The following SORCS1 variants were observed in gnomAD, a reference collection of about 807,000 sequenced individuals.
SORCS1 encodes the protein VPS10 domain-containing receptor SorCS1.
Under a neutral mutation model 146.1 loss-of-function variants are expected in SORCS1, and 60 were observed. That is an observed-to-expected ratio of 0.41 (90% CI 0.33 to 0.51). The LOEUF (loss-of-function observed/expected upper bound fraction) is 0.51, where lower values mean the gene tolerates loss of function less well. Ranked by LOEUF, SORCS1 falls within the 20% of genes least tolerant of loss-of-function variation. The pLI is 0.21. For synonymous variants in SORCS1, 637 were observed against 584.0 expected (o/e 1.09, Z -1.31); for missense variants, 1,352 against 1,487.6 (o/e 0.91, Z 1.50).
At chr10:106,708,956 T>C (rs1337140896) in intron 7 of SORCS1, among the ~76,000 whole-genome samples, 1 of 152,204 alleles carries the variant, frequency 6.6e-6, no homozygotes. Flanking sequence ...CTCACTACTC[T>C]GTGCGATGCC....
chr10:107,033,184 G>A (rs10884402), intron 1 of SORCS1, among the ~76,000 whole-genome samples: 42,202 of 152,008 alleles, frequency 0.28, 6,413 homozygotes, highest in Middle Eastern at 0.38. Flanking sequence ...AAGAGAATGT[G>A]CGCAGAAGGG....
At chr10:106,632,858 T>C (rs756492210) in intron 18 of SORCS1, among the ~76,000 whole-genome samples, 5 of 152,130 alleles carry the variant, frequency 3.3e-5, no homozygotes, top group African/African-American at 9.7e-5. Context: ...AAGGAAGTGA[T>C]ATCTGAGCTC....
chr10:107,037,544 G>C (rs1162481327), intron 1 of SORCS1, among the ~76,000 whole-genome samples: 1 of 152,266 alleles, frequency 6.6e-6, no homozygotes, highest in African/African-American at 2.4e-5. Context: ...AGCTGTGGGA[G>C]TGGGGAAACC....
At chr10:106,769,376 T>G (rs1202387715) in intron 4 of SORCS1, among the ~76,000 whole-genome samples, 1 of 151,454 alleles carries the variant, frequency 6.6e-6, no homozygotes, top group East Asian at 2.0e-4. Flanking sequence ...TCCCAGCTAC[T>G]TGGGAGGCTG....
chr10:106,875,302 T>C (rs1443127181), intron 2 of SORCS1, among the ~76,000 whole-genome samples: 1 of 152,256 alleles, frequency 6.6e-6, no homozygotes, highest in Non-Finnish European at 1.5e-5. Context: ...TTCCTTCCTT[T>C]TTATGGCTGA....
At chr10:106,777,434 T>C (rs1860530876) in intron 3 of SORCS1, among the ~76,000 whole-genome samples, 1 of 152,164 alleles carries the variant, frequency 6.6e-6, no homozygotes, top group Non-Finnish European at 1.5e-5. Flanking sequence ...CACTGATAAA[T>C]ATTTGTCGAA....
intron 17 of SORCS1, among the ~76,000 whole-genome samples, chr10:106,652,918 T>C (rs767456528): frequency 1.8e-4 from 28 of 152,170 alleles, no homozygotes; most frequent in Non-Finnish European, 1.3e-4. Flanking sequence ...TCAAAGGCTA[T>C]ATAATTAAGG....
intron 2 of SORCS1, among the ~76,000 whole-genome samples, chr10:106,922,891 CT>C (rs55880802): frequency 0.83 from 92,903 of 112,472 alleles, 38,206 homozygotes; most frequent in Non-Finnish European, 0.92. Flanking sequence ...GCAGCCTTTT[CT>C]TTTTTTTTTT....
intron 1 of SORCS1, among the ~76,000 whole-genome samples, chr10:106,966,818 G>A (rs1356611723): frequency 6.6e-6 from 1 of 152,142 alleles, no homozygotes. Context: ...GAGAAATACT[G>A]CAGCTCTCAC....
At chr10:106,644,116 CTAGATA>C (rs965211842) in intron 18 of SORCS1, among the ~76,000 whole-genome samples, 2 of 152,052 alleles carry the variant, frequency 1.3e-5, no homozygotes, top group African/African-American at 4.8e-5. Context: ...GCCCAAATAC[CTAGATA>C]TAAAGTACTA....
intron 6 of SORCS1, among the ~76,000 whole-genome samples, chr10:106,713,110 C>T (rs1330633180): frequency 6.6e-6 from 1 of 152,120 alleles, no homozygotes; most frequent in Non-Finnish European, 1.5e-5. Context: ...ATGTGAATGG[C>T]TCTAGGTTTC....
chr10:106,713,696 G>C (rs145993421), intron 6 of SORCS1, among the ~76,000 whole-genome samples: 194 of 152,310 alleles, frequency 1.3e-3, no homozygotes, highest in Non-Finnish European at 2.4e-3. Context: ...AAAAAATAGT[G>C]ATGTGTAGAA....
intron 15 of SORCS1, among the ~76,000 whole-genome samples, chr10:106,671,791 T>A (rs1851627699): frequency 6.6e-6 from 1 of 152,266 alleles, no homozygotes; most frequent in Admixed American, 6.5e-5. Flanking sequence ...AATATAAAGA[T>A]CAATTTTGCC....
At chr10:106,633,797 G>C (rs757717716) in intron 18 of SORCS1, among the ~76,000 whole-genome samples, 41 of 152,130 alleles carry the variant, frequency 2.7e-4, no homozygotes, top group Admixed American at 1.0e-3. Context: ...ATCTTTTTTA[G>C]GAGTTTTATT....
At chr10:106,675,180 C>T in intron 13 of SORCS1, 24 bp from the exon 14 acceptor site, 1 of 1,518,710 alleles carries the variant, frequency 6.6e-7, no homozygotes. Flanking sequence ...AAATATCAGT[C>T]ATCAGATCTC....
intron 1 of SORCS1, among the ~76,000 whole-genome samples, chr10:107,096,845 A>C (rs1964577252): frequency 6.6e-6 from 1 of 152,160 alleles, no homozygotes; most frequent in African/African-American, 2.4e-5. Context: ...ATTCCTAACA[A>C]AACGGATCAT....
rs182539971 is a variant in SORCS1 at position 106,978,046 on chromosome 10, C to T, written c.559-21466G>A. Among the ~76,000 whole-genome samples, 810 of 152,268 alleles carry T rather than the reference C, an allele frequency of 5.3e-3. 6 individuals carry two copies. Among genetic ancestry groups the T allele is most frequent in the Non-Finnish European group, 8.1e-3 (550 of 68,022 alleles). ...ACAACCTCTGCCTCCTGGGTTCAAG[C>T]GATTCTCCTGCCTCAGCCTCCTGAG... On this transcript the variant is annotated intron_variant, in intron 1 of 25. Transcript: ENST00000263054.
At chr10:106,586,256 G>C (rs1845228693) in intron 24 of SORCS1, among the ~76,000 whole-genome samples, 1 of 152,134 alleles carries the variant, frequency 6.6e-6, no homozygotes, top group Non-Finnish European at 1.5e-5. Flanking sequence ...AGAATGAAAG[G>C]GGGCGCTATT....
chr10:106,782,646 A>G (rs1367080496), intron 3 of SORCS1, among the ~76,000 whole-genome samples: 1 of 152,240 alleles, frequency 6.6e-6, no homozygotes, highest in Admixed American at 6.5e-5. Context: ...AAGAAAACGT[A>G]TAGGACATCT....
Sources: gnomAD v4.1 joint callset for allele counts (sites outside exome capture counted in the v4.1 genomes callset) on GRCh38, gnomAD v4.1.1 for gene constraint, MANE v1.5 for transcripts, NCBI Gene and HGNC (gene_info 2026-07-23, HGNC 2026-07-21) for gene names.